The following C19orf12 variants were observed in gnomAD, a reference collection of about 807,000 sequenced individuals.
C19orf12 encodes the protein protein C19orf12.
Under a neutral mutation model 3.8 loss-of-function variants are expected in C19orf12, and 2 were observed. The ratio of observed to expected loss-of-function variants is 0.53; its 90% CI spans 0.22 to 1.66. C19orf12 has a LOEUF of 1.66. C19orf12 is among the 40% of genes most tolerant of loss of function. The pLI is 0.20. For synonymous variants in C19orf12, 89 were observed against 84.6 expected, an observed-to-expected ratio of 1.05 and a Z score of -0.28; for missense variants, 156 against 188.8, an observed-to-expected ratio of 0.83 and a Z score of 1.02.
At chr19:29,712,234 T>C (rs1972717245) in intron 1 of C19orf12, among the ~76,000 whole-genome samples, 1 of 151,928 alleles carries the variant, frequency 6.6e-6, no homozygotes, top group South Asian at 2.1e-4. Flanking sequence ...TGAAAACCCA[T>C]CTCTACTAAA....
intron 1 of C19orf12, among the ~76,000 whole-genome samples, chr19:29,714,443 G>A (rs1972850087): frequency 6.6e-6 from 1 of 152,046 alleles, no homozygotes. Context: ...GCAGTGAGCC[G>A]AGATCGCGCC....
At chr19:29,712,505 C>A (rs762116693) in intron 1 of C19orf12, among the ~76,000 whole-genome samples, 1 of 152,102 alleles carries the variant, frequency 6.6e-6, no homozygotes, top group Non-Finnish European at 1.5e-5. Flanking sequence ...AGTGTTCTTC[C>A]CCCCCACCAC....
chr19:29,705,322 G>A, intron 2 of C19orf12: 1 of 442,594 alleles, frequency 2.3e-6, no homozygotes, highest in South Asian at 1.6e-5. Flanking sequence ...AGGCAAGTCT[G>A]AGAAAGTGTT....
chr19:29,704,181 A>G (rs1013644048), intron 2 of C19orf12, among the ~76,000 whole-genome samples: 2 of 152,112 alleles, frequency 1.3e-5, no homozygotes, highest in Non-Finnish European at 2.9e-5. Context: ...TCGATAAATA[A>G]CAAACTGGCC....
chr19:29,705,878 G>C (rs949797913), intron 2 of C19orf12, among the ~76,000 whole-genome samples: 10 of 152,172 alleles, frequency 6.6e-5, no homozygotes, highest in African/African-American at 2.4e-4. Flanking sequence ...ACCGAAACTG[G>C]ATGGAAGATA....
intron 2 of C19orf12, among the ~76,000 whole-genome samples, chr19:29,704,610 G>A (rs1972278363): frequency 1.3e-5 from 2 of 152,210 alleles, no homozygotes; most frequent in South Asian, 2.1e-4. Context: ...TTGTATCCAC[G>A]GAAAGTTCTA....
At chr19:29,709,128 G>A (rs919926081) in intron 1 of C19orf12, among the ~76,000 whole-genome samples, 4 of 152,200 alleles carry the variant, frequency 2.6e-5, no homozygotes, top group Non-Finnish European at 5.9e-5. Context: ...TTGTACCCAT[G>A]GGACACTAAA....
rs111399343 is a variant in C19orf12 at position 29,703,820 on chromosome 19, A to G, written c.161-843T>C. Among the ~76,000 whole-genome samples, 1,466 of 151,798 alleles carry G rather than the reference A, an allele frequency of 9.7e-3. 24 individuals are homozygous for G. The highest frequency in any genetic ancestry group is 0.034 in the African/African-American group (1,402 of 41,458). On this transcript the variant is annotated intron_variant, in intron 2 of 2. Coordinates refer to ENST00000323670, the MANE Select transcript of C19orf12 (RefSeq NM_031448.6). ...AGCCTGGCCGACATGGTGAAACACC[A>G]TCTCTACTAAAAATACAAAAATTAG...
At chr19:29,714,847 G>T in intron 1 of C19orf12, 1 of 285,998 alleles carries the variant, frequency 3.5e-6, no homozygotes, top group Non-Finnish European at 7.4e-6. Flanking sequence ...CCATGCCTAC[G>T]CCACTCCTGG....
In C19orf12 at chr19:29,702,163, G is replaced by A. The variant is rs745364925; in HGVS notation, c.*549C>T. On this transcript the variant is annotated 3_prime_UTR_variant, in exon 3 of 3. Coordinates refer to ENST00000323670, the MANE Select transcript of C19orf12 (RefSeq NM_031448.6). ...TGTGGCTTCACTCAGCAGGCCGCCC[G>A]TCCCCTCCGTGGGGCCATTCGACAG... 4.8e-5 allele frequency: 22 copies of A among 453,798 alleles called. No homozygotes were observed. Among genetic ancestry groups the A allele is most frequent in the African/African-American group, 8.0e-5 (4 of 50,008 alleles). 28.1% of individuals were successfully genotyped at this position (453,798 alleles called of 1,614,324 possible). A position where few individuals can be genotyped will look rare whatever the true frequency, so the allele number is the denominator to read the frequency against.
rs1397941090 is a variant in C19orf12 at position 29,699,517 on chromosome 19, T to C, written c.*3195A>G. ...AAAAAGAAAAAAAGAAAAAAATATA[T>C]GTGTACCTACATAGCATTAAAACAA... is the stretch of plus-strand genomic sequence containing the variant. On this transcript the variant is annotated 3_prime_UTR_variant, in exon 3 of 3. Transcript: ENST00000323670. The C allele has an allele frequency of 1.6e-5, 7 of 439,978 alleles. No homozygotes were observed. The highest frequency in any genetic ancestry group is 5.0e-5 in the South Asian group (3 of 59,748). The allele number at this position is 439,978 out of a possible 1,614,324, so 27.3% of individuals were successfully genotyped here.
rs1972043260 is a variant in C19orf12 at position 29,700,760 on chromosome 19, A to G, written c.*1952T>C. ...AGAAAGGCTCGGCCCTTCCTTAATC[A>G]CCATGGGTTATAATTCACCCTGACG... is the stretch of plus-strand genomic sequence containing the variant. On this transcript the variant is annotated 3_prime_UTR_variant, in exon 3 of 3. Transcript: ENST00000323670. The G allele has an allele frequency of 2.2e-6, 1 of 454,102 alleles. No homozygotes were observed. Among genetic ancestry groups the G allele is most frequent in the Non-Finnish European group, 4.4e-6 (1 of 226,796 alleles). The allele number at this position is 454,102 out of a possible 1,614,324, so 28.1% of individuals were successfully genotyped here.
rs1384138474 is a variant in C19orf12 at position 29,701,668 on chromosome 19, TCTA to T, written c.*1041_*1043del. ...AAAGAGCAATACAGGCATACCTCAT[TCTA>T]CTATGCTTTGTGAATACTGTGTTTT... On this transcript the variant is annotated 3_prime_UTR_variant, in exon 3 of 3. Coordinates refer to ENST00000323670, the MANE Select transcript of C19orf12 (RefSeq NM_031448.6). 6.6e-6 allele frequency: 3 copies of T among 453,892 alleles called. No individual in the cohort carries two copies. Among genetic ancestry groups the T allele is most frequent in the African/African-American group, 6.0e-5 (3 of 49,992 alleles). 28.1% of individuals were successfully genotyped at this position (453,892 alleles called of 1,614,324 possible).
Position 29,702,708 on chromosome 19 carries a change from C to T in C19orf12, c.*4G>A, listed in dbSNP as rs367912481. ...GGGGCCCCCCACCTCCCCGGAGGTG[C>T]GGCCTAGTCATCATACTGGATCTCG... is the stretch of plus-strand genomic sequence containing the variant. On this transcript the variant is annotated 3_prime_UTR_variant, in exon 3 of 3. Coordinates refer to ENST00000323670, the MANE Select transcript of C19orf12 (RefSeq NM_031448.6). The T allele has an allele frequency of 2.4e-5, 39 of 1,613,332 alleles. No homozygotes were observed. Among genetic ancestry groups the T allele is most frequent in the South Asian group, 5.5e-5 (5 of 91,042 alleles).
chr19:29,712,139 C>T (rs770823668), intron 1 of C19orf12, among the ~76,000 whole-genome samples: 4 of 152,158 alleles, frequency 2.6e-5, no homozygotes, highest in Non-Finnish European at 5.9e-5. Flanking sequence ...GCCACGGTGG[C>T]TCACGCTTGT....
upstream of C19orf12, chr19:29,715,464 C>T (rs775327096): frequency 4.3e-5 from 17 of 397,060 alleles, no homozygotes; most frequent in South Asian, 2.9e-4. Flanking sequence ...AGACGAGGCG[C>T]CCGGAGAAGA....
chr19:29,707,846 G>A (rs1282805390), intron 2 of C19orf12, among the ~76,000 whole-genome samples: 1 of 150,610 alleles, frequency 6.6e-6, no homozygotes, highest in Non-Finnish European at 1.5e-5. Flanking sequence ...ATTTCTCCCT[G>A]TGTTTCTTTT....
At chr19:29,705,949 GAA>G in intron 2 of C19orf12, among the ~76,000 whole-genome samples, 1 of 152,314 alleles carries the variant, frequency 6.6e-6, no homozygotes, top group East Asian at 1.9e-4. Flanking sequence ...ATTGGGAAAT[GAA>G]AAGTTTCTTT....
chr19:29,711,945 G>A (rs796529787), intron 1 of C19orf12, among the ~76,000 whole-genome samples: 14 of 152,330 alleles, frequency 9.2e-5, no homozygotes, highest in African/African-American at 3.4e-4. Flanking sequence ...GTTAGGGCAA[G>A]GGTCCTTGGC....
Sources: allele counts gnomAD v4.1 joint callset (sites outside exome capture counted in the v4.1 genomes callset), GRCh38; gene constraint gnomAD v4.1.1; transcripts MANE v1.5; gene names NCBI Gene and HGNC (gene_info 2026-07-23, HGNC 2026-07-21).